The following SGCZ variants were observed in gnomAD, a reference collection of about 807,000 sequenced individuals.
SGCZ encodes the protein sarcoglycan zeta.
SGCZ carries 40 observed loss-of-function variants against 41.3 expected under a neutral mutation model. The observed-to-expected ratio is 0.97, with a 90% CI of 0.75 to 1.26. SGCZ has a LOEUF of 1.26. Among genes scored for constraint, SGCZ ranks in the 50% most tolerant of loss-of-function variants. The probability of loss-of-function intolerance (pLI) is 0.00; values close to 1 mark genes in which losing one functional copy is unlikely to be tolerated. For missense variants in SGCZ, 552 were observed against 369.8 expected (o/e 1.49, Z -4.04); for synonymous variants, 206 against 137.5 (o/e 1.50, Z -3.49).
intron 2 of SGCZ, among the ~76,000 whole-genome samples, chr8:14,338,930 C>A (rs150850733): frequency 2.0e-3 from 302 of 152,278 alleles, no homozygotes; most frequent in African/African-American, 6.6e-3. Context: ...CTCCTGGCTT[C>A]AGCCTGGACA....
At chr8:14,124,298 T>TCC (rs1802786820) in intron 5 of SGCZ, among the ~76,000 whole-genome samples, 1 of 152,156 alleles carries the variant, frequency 6.6e-6, no homozygotes, top group Non-Finnish European at 1.5e-5. Flanking sequence ...TCTCTCTCTC[T>TCC]CCCTTTTTAC....
In SGCZ at chr8:15,088,400, A is replaced by G. The variant is rs73525011; in HGVS notation, c.39+149185T>C. ...CTGCTCAAAGGTATTGTATTTTAAA[A>G]TATTAACATATTTTTCTGTAACCAC... On this transcript the variant is annotated intron_variant, in intron 1 of 7. Transcript: ENST00000382080. Among the ~76,000 whole-genome samples, 211 of 152,298 alleles carry G rather than the reference A, an allele frequency of 1.4e-3. 1 individual carries two copies. Among genetic ancestry groups the G allele is most frequent in the African/African-American group, 4.5e-3 (187 of 41,590 alleles).
At chr8:14,298,840 T>G (rs943852607) in intron 3 of SGCZ, among the ~76,000 whole-genome samples, 6 of 151,962 alleles carry the variant, frequency 3.9e-5, no homozygotes, top group African/African-American at 1.2e-4. Context: ...TCTGCAGAAA[T>G]CAACATTTTT....
In SGCZ at chr8:15,196,344, T is replaced by C. The variant is rs561803686; in HGVS notation, c.39+41241A>G. On this transcript the variant is annotated intron_variant, in intron 1 of 7. Coordinates refer to ENST00000382080, the MANE Select transcript of SGCZ (RefSeq NM_139167.4). ...ATTTGACAATCTCCTGTTGTCTCCATTTAACTCAAGAAAAGCTCCCAAATG... is the reference window on the plus strand; with the variant it reads ...ATTTGACAATCTCCTGTTGTCTCCACTTAACTCAAGAAAAGCTCCCAAATG... Among the ~76,000 whole-genome samples the C allele has an allele frequency of 1.8e-4, 27 of 152,314 alleles. No individual in the cohort carries two copies. In the South Asian group the frequency reaches 4.8e-3, roughly 27 times the overall value.
At chr8:14,220,463 G>A (rs528483325) in intron 4 of SGCZ, among the ~76,000 whole-genome samples, 11 of 152,310 alleles carry the variant, frequency 7.2e-5, no homozygotes, top group African/African-American at 2.6e-4. Context: ...CTGGGGTGCT[G>A]TTCTAGATCT....
At chr8:14,168,585 T>G (rs116880603) in intron 4 of SGCZ, among the ~76,000 whole-genome samples, 8,104 of 152,220 alleles carry the variant, frequency 0.053, 295 homozygotes, top group East Asian at 0.15. Context: ...TGCTCCTCCT[T>G]GCCTGCAGCC....
intron 1 of SGCZ, among the ~76,000 whole-genome samples, chr8:15,053,355 A>C (rs946053260): frequency 6.6e-6 from 1 of 152,020 alleles, no homozygotes; most frequent in Non-Finnish European, 1.5e-5. Flanking sequence ...CACTATTTTC[A>C]TACAGCCTTT....
At chr8:14,708,398 A>G (rs1030430029) in intron 1 of SGCZ, among the ~76,000 whole-genome samples, 8 of 151,962 alleles carry the variant, frequency 5.3e-5, no homozygotes, top group Non-Finnish European at 4.4e-5. Context: ...CCAGATGAAT[A>G]TATTTTAAAA....
At chr8:14,345,003 T>G (rs945999789) in intron 2 of SGCZ, among the ~76,000 whole-genome samples, 3 of 152,048 alleles carry the variant, frequency 2.0e-5, no homozygotes, top group African/African-American at 7.2e-5. Flanking sequence ...AATAAAAGCA[T>G]AAATACAAGT....
chr8:15,183,922 G>A (rs557523), intron 1 of SGCZ, among the ~76,000 whole-genome samples: 53,436 of 151,814 alleles, frequency 0.35, 9,799 homozygotes, highest in East Asian at 0.47. Flanking sequence ...ACTACATACT[G>A]CACAGAGTAA....
At chr8:14,250,872 G>A (rs1297562920) in intron 3 of SGCZ, among the ~76,000 whole-genome samples, 2 of 152,072 alleles carry the variant, frequency 1.3e-5, no homozygotes, top group South Asian at 2.1e-4. Context: ...TAATCATGTT[G>A]ACTTTTCTTA....
intron 1 of SGCZ, among the ~76,000 whole-genome samples, chr8:14,914,417 C>A (rs1313958577): frequency 1.3e-5 from 2 of 152,026 alleles, no homozygotes; most frequent in Non-Finnish European, 2.9e-5. Flanking sequence ...CTCCTGGTTA[C>A]CACTGAAAAC....
At chr8:14,195,524 G>A (rs1805240279) in intron 4 of SGCZ, among the ~76,000 whole-genome samples, 1 of 152,118 alleles carries the variant, frequency 6.6e-6, no homozygotes, top group Admixed American at 6.6e-5. Flanking sequence ...AGTTTTCTAA[G>A]TTTGATGAAA....
At chr8:14,851,183 C>G (rs1803307794) in intron 1 of SGCZ, among the ~76,000 whole-genome samples, 1 of 151,780 alleles carries the variant, frequency 6.6e-6, no homozygotes, top group African/African-American at 2.4e-5. Flanking sequence ...TCCTGGCTAA[C>G]ATAGTGAAAC....
At chr8:14,299,769 T>C (rs1424273709) in intron 3 of SGCZ, among the ~76,000 whole-genome samples, 1 of 151,976 alleles carries the variant, frequency 6.6e-6, no homozygotes, top group African/African-American at 2.4e-5. Flanking sequence ...GTTAAAACTA[T>C]GCCTACTCTA....
chr8:14,892,063 T>C lies in SGCZ; in HGVS notation c.40-337137A>G, dbSNP rs114168830. Among the ~76,000 whole-genome samples the C allele has an allele frequency of 1.9e-3, 295 of 152,352 alleles. 1 individual carries two copies. The highest frequency in any genetic ancestry group is 6.8e-3 in the African/African-American group (284 of 41,580). ...TAATGCAGTGGGCTGGCACTGAACC[T>C]GGAATATATCTAAGATATGCTTATA... On this transcript the variant is annotated intron_variant, in intron 1 of 7. Coordinates refer to ENST00000382080, the MANE Select transcript of SGCZ (RefSeq NM_139167.4).
At chr8:14,860,698 A>G (rs998157618) in intron 1 of SGCZ, among the ~76,000 whole-genome samples, 7 of 134,450 alleles carry the variant, frequency 5.2e-5, no homozygotes, top group African/African-American at 2.1e-4. Context: ...GAAAGAAGGA[A>G]AGAAAGAAAG....
At chr8:14,460,791 T>G (rs907523541) in intron 2 of SGCZ, among the ~76,000 whole-genome samples, 4 of 152,144 alleles carry the variant, frequency 2.6e-5, no homozygotes, top group African/African-American at 9.7e-5. Flanking sequence ...GATGCTAAAG[T>G]TGGGAGTCTA....
intron 1 of SGCZ, among the ~76,000 whole-genome samples, chr8:15,035,654 C>T (rs934142743): frequency 2.0e-5 from 3 of 152,030 alleles, no homozygotes; most frequent in African/African-American, 7.2e-5. Context: ...AAAAGATATT[C>T]CATGCATATG....
Sources: allele counts gnomAD v4.1 joint callset (sites outside exome capture counted in the v4.1 genomes callset), GRCh38; gene constraint gnomAD v4.1.1; transcripts MANE v1.5; gene names NCBI Gene and HGNC (gene_info 2026-07-23, HGNC 2026-07-21).